The following TBC1D32 variants were observed in gnomAD, a reference collection of about 807,000 sequenced individuals.
TBC1D32 encodes the protein protein broad-minded.
Under a neutral mutation model 170.3 loss-of-function variants are expected in TBC1D32, and 151 were observed. The observed-to-expected ratio is 0.89, with a 90% CI of 0.78 to 1.01. TBC1D32 has a LOEUF of 1.01. Ranked by LOEUF, TBC1D32 falls within the 50% of genes least tolerant of loss-of-function variation. The pLI, the probability that TBC1D32 is intolerant of heterozygous loss-of-function variation, is 0.00. For synonymous variants in TBC1D32, 498 were observed against 488.0 expected, an observed-to-expected ratio of 1.02 and a Z score of -0.27; for missense variants, 1,464 against 1,457.1, an observed-to-expected ratio of 1.00 and a Z score of -0.08.
chr6:121,216,352 T>C (rs922278467), intron 21 of TBC1D32, among the ~76,000 whole-genome samples: 1 of 152,146 alleles, frequency 6.6e-6, no homozygotes, highest in African/African-American at 2.4e-5. Context: ...TGCCTTCTGA[T>C]TGTGTAAGTT....
chr6:121,216,317 C>T (rs2128319329), intron 21 of TBC1D32, among the ~76,000 whole-genome samples: 1 of 152,286 alleles, frequency 6.6e-6, no homozygotes, highest in East Asian at 1.9e-4. Context: ...TCTCCTTGCT[C>T]CTCAAGCTTG....
At chr6:121,214,258 G>A (rs1793526999) in intron 21 of TBC1D32, among the ~76,000 whole-genome samples, 1 of 152,208 alleles carries the variant, frequency 6.6e-6, no homozygotes, top group African/African-American at 2.4e-5. Context: ...TTGGAGTGTT[G>A]ATTCACCAGC....
chr6:121,304,819 T>C lies in TBC1D32; in HGVS notation c.705A>G (p.Lys235=). 1 of 1,609,050 alleles carries C rather than the reference T, an allele frequency of 6.2e-7. No homozygotes were observed. The highest frequency in any genetic ancestry group is 8.5e-7 in the Non-Finnish European group (1 of 1,177,934). Residue 235 remains lysine, a synonymous_variant, in exon 6 of 32, where the codon AAA becomes AAG. Coordinates refer to ENST00000398212, the MANE Select transcript of TBC1D32 (RefSeq NM_152730.6). ...AAAGCAAAAATGTCTGTGCACAGAA[T>C]TTTAAAATCCGGTCCTACGGAAATG... ...PDPVFSDRIL[K]FCAQTFLLSP... is the part of the protein sequence containing the mutation.
Position 121,112,692 on chromosome 6 carries a change from T to C in TBC1D32, c.3170-33A>G, listed in dbSNP as rs367648371. ...ACACAGTTAAGAAAACTTTACAATA[T>C]TTTGTAAGATAAAATATTAAAATTC... On this transcript the variant is annotated intron_variant, in intron 28 of 31. Transcript: ENST00000398212. The C allele has an allele frequency of 2.0e-5, 29 of 1,482,230 alleles. No homozygotes were observed. In the African/African-American group the frequency reaches 3.6e-4, roughly 19 times the overall value. The allele number at this position is 1,482,230 out of a possible 1,614,324, so 91.8% of individuals were successfully genotyped here.
At chr6:121,153,726 C>T (rs941450674) in intron 24 of TBC1D32, among the ~76,000 whole-genome samples, 2 of 152,142 alleles carry the variant, frequency 1.3e-5, no homozygotes, top group Admixed American at 1.3e-4. Context: ...AGTGTGGCTA[C>T]AGGGGCTTTG....
intron 3 of TBC1D32, among the ~76,000 whole-genome samples, chr6:121,311,258 AT>A (rs1459637181): frequency 6.6e-6 from 1 of 152,124 alleles, no homozygotes; most frequent in Non-Finnish European, 1.5e-5. Flanking sequence ...TTTCTTTCCT[AT>A]ACTTTTCCTT....
At chr6:121,258,350 T>C (rs542297765) in intron 15 of TBC1D32, among the ~76,000 whole-genome samples, 1 of 152,254 alleles carries the variant, frequency 6.6e-6, no homozygotes, top group South Asian at 2.1e-4. Flanking sequence ...TTTCTCTGCA[T>C]GAATATGTCA....
In TBC1D32 at chr6:121,080,861, A is replaced by G; in HGVS notation, c.3684T>C (p.Ser1228=). 1 of 1,613,810 alleles carries G rather than the reference A, an allele frequency of 6.2e-7. No homozygotes were observed. The change falls in exon 32 of 32, where the codon AGT becomes AGC. Residue 1228 remains serine (S), a synonymous_variant. Coordinates refer to ENST00000398212, the MANE Select transcript of TBC1D32 (RefSeq NM_152730.6). ...AAATTTCCATGTATTCAAAATAATC[A>G]CTCACTCGAAACCCATGCAGTGCTT... is the stretch of plus-strand genomic sequence containing the variant. The part of the protein sequence containing the change: ...KEEALHGFRV[S]DYFEYMEILE...
intron 15 of TBC1D32, among the ~76,000 whole-genome samples, chr6:121,265,384 T>A (rs1800333178): frequency 6.6e-6 from 1 of 152,008 alleles, no homozygotes. Context: ...AAGTGAACTA[T>A]AAGCCACTGC....
At chr6:121,189,851 A>G (rs1289167884) in intron 22 of TBC1D32, among the ~76,000 whole-genome samples, 2 of 152,052 alleles carry the variant, frequency 1.3e-5, no homozygotes, top group Non-Finnish European at 2.9e-5. Flanking sequence ...GGCCCAGAAC[A>G]TATACCCTAA....
At chr6:121,307,806 G>A (rs747138239) in intron 5 of TBC1D32, among the ~76,000 whole-genome samples, 170 bp downstream of exon 5, 5 of 152,124 alleles carry the variant, frequency 3.3e-5, no homozygotes, top group African/African-American at 9.7e-5. Context: ...AGGTTAAAGT[G>A]AGCCAAGGTA....
chr6:121,119,180 T>C (rs1780007786), intron 26 of TBC1D32, among the ~76,000 whole-genome samples: 1 of 152,180 alleles, frequency 6.6e-6, no homozygotes, highest in Admixed American at 6.5e-5. Context: ...AAATAGCATA[T>C]TAAAAAGCAC....
intron 22 of TBC1D32, among the ~76,000 whole-genome samples, chr6:121,172,150 T>C (rs1787109126): frequency 6.6e-6 from 1 of 152,148 alleles, no homozygotes; most frequent in Non-Finnish European, 1.5e-5. Flanking sequence ...GCCTTTCACC[T>C]TCCACCATGA....
At chr6:121,157,915 C>T (rs770183118) in intron 24 of TBC1D32, among the ~76,000 whole-genome samples, 22 of 152,100 alleles carry the variant, frequency 1.4e-4, no homozygotes, top group Non-Finnish European at 2.5e-4. Context: ...CCCAACCTTT[C>T]TCTCTAGCTG....
At chr6:121,131,816 G>T in intron 24 of TBC1D32, 64 bp from the exon 25 acceptor site, 1 of 1,324,252 alleles carries the variant, frequency 7.6e-7, no homozygotes, top group Non-Finnish European at 1.0e-6. Flanking sequence ...AATTATTAAT[G>T]TTAACTATGT....
chr6:121,180,989 T>C (rs1788432204), intron 22 of TBC1D32, among the ~76,000 whole-genome samples: 1 of 151,890 alleles, frequency 6.6e-6, no homozygotes, highest in Admixed American at 6.6e-5. Flanking sequence ...TATGAAAAAA[T>C]GCTTAACATC....
intron 13 of TBC1D32, 90 bp from the exon 14 acceptor site, chr6:121,281,776 T>C (rs1803030750): frequency 2.0e-6 from 2 of 986,872 alleles, no homozygotes; most frequent in African/African-American, 1.7e-5. Flanking sequence ...AAGTTCAACA[T>C]CAAAGTTAAT....
chr6:121,157,727 T>C (rs1785092369), intron 24 of TBC1D32, among the ~76,000 whole-genome samples: 1 of 152,132 alleles, frequency 6.6e-6, no homozygotes, highest in Admixed American at 6.6e-5. Flanking sequence ...AGTAGTTGCT[T>C]ATCTGAGAAG....
chr6:121,285,316 G>A (rs537283215), intron 12 of TBC1D32, among the ~76,000 whole-genome samples: 2 of 152,292 alleles, frequency 1.3e-5, no homozygotes, highest in African/African-American at 2.4e-5. Context: ...GAGCTAACCA[G>A]TATAAACTTC....
Sources: allele counts gnomAD v4.1 joint callset (sites outside exome capture counted in the v4.1 genomes callset), GRCh38; gene constraint gnomAD v4.1.1; transcripts MANE v1.5; gene names NCBI Gene and HGNC (gene_info 2026-07-23, HGNC 2026-07-21).